The following ADAM17 variants were observed in gnomAD, a reference collection of about 807,000 sequenced individuals.
ADAM17 encodes ADAM metallopeptidase domain 17, also known as disintegrin and metalloproteinase domain-containing protein 17.
ADAM17 carries 39 observed loss-of-function variants against 96.7 expected under a neutral mutation model. That is an observed-to-expected ratio of 0.40 (90% CI 0.31 to 0.53). The LOEUF is 0.53. Among genes scored for constraint, ADAM17 ranks in the 20% least tolerant of loss-of-function variants. The pLI is 0.44. For synonymous variants in ADAM17, 344 were observed against 359.2 expected (o/e 0.96, Z 0.48); for missense variants, 777 against 1,013.2 (o/e 0.77, Z 3.17).
Position 9,537,109 on chromosome 2 carries a change from T to A in ADAM17, c.231-281A>T, listed in dbSNP as rs528363178. Among the ~76,000 whole-genome samples, 19 of 152,270 alleles carry A rather than the reference T, an allele frequency of 1.2e-4. 1 individual carries two copies. The East Asian group carries it at 3.7e-3, about 29-fold the overall frequency. On this transcript the variant is annotated intron_variant, in intron 2 of 18. Transcript: ENST00000310823. ...ATCTCTCCTGGAAAACACTGAAGAA[T>A]AAGGAAACACACATGACTGCGTAGT... is the stretch of plus-strand genomic sequence containing the variant.
intron 12 of ADAM17, among the ~76,000 whole-genome samples, chr2:9,503,418 A>G (rs781214763): frequency 3.3e-5 from 5 of 152,254 alleles, no homozygotes; most frequent in Non-Finnish European, 7.3e-5. Context: ...AGTATATAGA[A>G]TCATGATAAC....
intron 2 of ADAM17, among the ~76,000 whole-genome samples, chr2:9,539,526 C>T (rs1389674443): frequency 6.6e-6 from 1 of 152,122 alleles, no homozygotes; most frequent in African/African-American, 2.4e-5. Flanking sequence ...CTCAGTGTTT[C>T]TATGCTTTTT....
rs377359050 is a variant in ADAM17, at chr2:9,550,422, T to C, written c.97+5087A>G. Among the ~76,000 whole-genome samples the C allele has an allele frequency of 8.1e-5, 12 of 148,642 alleles. No individual in the cohort carries two copies. The East Asian group carries it at 1.6e-3, about 19-fold the overall frequency. ...GCCCTGCCTAGTCCTAGGCTAAACC[T>C]GTATCCGATACTCATTCTTTTTTTT... On this transcript the variant is annotated intron_variant, in intron 1 of 18. Coordinates refer to ENST00000310823, the MANE Select transcript of ADAM17 (RefSeq NM_003183.6).
intron 12 of ADAM17, among the ~76,000 whole-genome samples, chr2:9,503,409 G>C (rs1187063057): frequency 2.6e-5 from 4 of 152,106 alleles, no homozygotes; most frequent in South Asian, 4.1e-4. Flanking sequence ...CACTATTCCA[G>C]TATATAGAAT....
At chr2:9,541,336 G>C (rs983493316) in intron 2 of ADAM17, among the ~76,000 whole-genome samples, 6 of 152,152 alleles carry the variant, frequency 3.9e-5, no homozygotes, top group Admixed American at 2.6e-4. Flanking sequence ...CCTGAGGCAG[G>C]TGGATCACCT....
Position 9,536,823 on chromosome 2 carries a change from A to C in ADAM17, c.236T>G (p.Phe79Cys). ...AGTACTTGATGTCAGGTATAATTTA[A>C]AATGCCTGAAGAAAAATGCATTCAT... ...LLTFSALKRH[F>C]KLYLTSSTER... The change falls in exon 3 of 19, where the codon TTT (phenylalanine) becomes TGT (cysteine). Residue 79 changes from phenylalanine (F) to cysteine (C), a missense_variant. This residue lies in a region of ADAM17 where 134 missense variants were observed against 129.1 expected (regional missense o/e 1.04). Transcript: ENST00000310823. The C allele has an allele frequency of 6.2e-7, 1 of 1,613,644 alleles. No individual in the cohort carries two copies. The highest frequency in any genetic ancestry group is 8.5e-7 in the Non-Finnish European group (1 of 1,179,776).
intron 14 of ADAM17, 69 bp from the exon 15 acceptor site, chr2:9,494,836 C>T (rs1662444846): frequency 6.4e-7 from 1 of 1,574,148 alleles, no homozygotes; most frequent in Admixed American, 1.8e-5. Flanking sequence ...CCTCCTCTTT[C>T]CTCCCTGACC....
At chr2:9,493,678 G>A in intron 16 of ADAM17, 69 bp downstream of exon 16, 1 of 1,368,420 alleles carries the variant, frequency 7.3e-7, no homozygotes, top group East Asian at 2.3e-5. Context: ...CACTCTGAAA[G>A]CACACTTTTC....
intron 9 of ADAM17, 52 bp from the exon 10 acceptor site, chr2:9,518,041 A>C: frequency 6.4e-7 from 1 of 1,573,732 alleles, no homozygotes; most frequent in South Asian, 1.2e-5. Flanking sequence ...CAGAATTATA[A>C]TATAATCCAA....
At chr2:9,509,467 C>G (rs1314509976) in intron 11 of ADAM17, among the ~76,000 whole-genome samples, 1 of 152,144 alleles carries the variant, frequency 6.6e-6, no homozygotes, top group African/African-American at 2.4e-5. Context: ...ATGCCAGATA[C>G]TCCTACTAGG....
chr2:9,549,210 A>C (rs1223414879), intron 1 of ADAM17, among the ~76,000 whole-genome samples: 1 of 152,090 alleles, frequency 6.6e-6, no homozygotes, highest in Non-Finnish European at 1.5e-5. Flanking sequence ...GTCTCTACTA[A>C]AAATACAAAA....
At chr2:9,516,252 T>C (rs1020461382) in intron 10 of ADAM17, among the ~76,000 whole-genome samples, 1 of 152,086 alleles carries the variant, frequency 6.6e-6, no homozygotes, top group Non-Finnish European at 1.5e-5. Context: ...TTTTATTTAT[T>C]TATTTATTTT....
chr2:9,497,883 T>A (rs1314116637), intron 13 of ADAM17, among the ~76,000 whole-genome samples: 2 of 151,872 alleles, frequency 1.3e-5, no homozygotes, highest in East Asian at 1.9e-4. Flanking sequence ...GTTTTGCAAT[T>A]TATATATATA....
chr2:9,493,773 A>G lies in ADAM17; in HGVS notation c.1967T>C (p.Ile656Thr). The G allele has an allele frequency of 1.2e-6, 2 of 1,614,106 alleles. No individual in the cohort carries two copies. The highest frequency in any genetic ancestry group is 1.1e-5 in the South Asian group (1 of 91,074). The change falls in exon 16 of 19, where the codon ATT (isoleucine) becomes ACT (threonine). Residue 656 changes from isoleucine (I) to threonine (T), a missense_variant. Around this residue, in one of 3 missense-constraint regions of ADAM17, gnomAD observed 197 missense variants for 219.4 expected, o/e 0.90. Coordinates refer to ENST00000310823, the MANE Select transcript of ADAM17 (RefSeq NM_003183.6). ...AAAAGTATTGATGCTCAGCTGGTCAATGAAATCCCAAAATCGTTCAATTAC... is the reference window on the plus strand; with the variant it reads ...AAAAGTATTGATGCTCAGCTGGTCAGTGAAATCCCAAAATCGTTCAATTAC... ...QDVIERFWDF[I>T]DQLSINTFGK... is the part of the protein sequence containing the mutation.
At chr2:9,536,948 A>G in intron 2 of ADAM17, 120 bp from the exon 3 acceptor site, 1 of 1,167,160 alleles carries the variant, frequency 8.6e-7, no homozygotes, top group South Asian at 1.5e-5. Context: ...TATGCAAGTT[A>G]CAACTAAAGT....
At chr2:9,525,954 A>G (rs1465929685) in intron 6 of ADAM17, among the ~76,000 whole-genome samples, 157 bp downstream of exon 6, 1 of 152,230 alleles carries the variant, frequency 6.6e-6, no homozygotes, top group African/African-American at 2.4e-5. Context: ...TTGAAACTAT[A>G]ATTTCCATAC....
intron 1 of ADAM17, among the ~76,000 whole-genome samples, chr2:9,549,139 G>A (rs181907069): frequency 6.4e-4 from 98 of 152,304 alleles, no homozygotes; most frequent in Admixed American, 1.8e-3. Flanking sequence ...TTGGGAGGCC[G>A]AGGTGGGTGG....
intron 1 of ADAM17, among the ~76,000 whole-genome samples, chr2:9,544,804 G>A (rs779667960): frequency 6.6e-6 from 1 of 151,754 alleles, no homozygotes; most frequent in Non-Finnish European, 1.5e-5. Context: ...CCAGCCTGGC[G>A]ACAGAGCAAG....
rs1044389769 is a variant in ADAM17 at position 9,555,802 on chromosome 2, G to A, written c.-197C>T. 44 of 444,116 alleles carry A rather than the reference G, an allele frequency of 9.9e-5. No homozygotes were observed. Among genetic ancestry groups the A allele is most frequent in the Non-Finnish European group, 1.5e-4 (38 of 255,128 alleles). 27.5% of individuals were successfully genotyped at this position (444,116 alleles called of 1,614,324 possible). A position where few individuals can be genotyped will look rare whatever the true frequency, so the allele number is the denominator to read the frequency against. ...AGAAGTGCAGGTGGCGTTACCAAAG[G>A]CCGGCTCAGCCAGCTTCCGGCCGCC... On this transcript the variant is annotated 5_prime_UTR_variant, in exon 1 of 19. Transcript: ENST00000310823.
Sources: allele counts gnomAD v4.1 joint callset (sites outside exome capture counted in the v4.1 genomes callset), GRCh38; gene constraint gnomAD v4.1.1; regional missense constraint gnomAD v4.1.1; transcripts MANE v1.5; gene names NCBI Gene and HGNC (gene_info 2026-07-23, HGNC 2026-07-21).